ATP8B4: variants seen among roughly 807,000 people sequenced by gnomAD.
ATP8B4 encodes the protein ATPase phospholipid transporting 8B4 (putative).
ATP8B4 carries 133 observed loss-of-function variants against 145.6 expected under a neutral mutation model. The observed-to-expected ratio is 0.91, with a 90% CI of 0.79 to 1.05. ATP8B4 has a LOEUF of 1.05. Among genes scored for constraint, ATP8B4 ranks in the 50% least tolerant of loss-of-function variants. ATP8B4 has a pLI of 0.00. For synonymous variants in ATP8B4, 507 were observed against 492.9 expected, an observed-to-expected ratio of 1.03 and a Z score of -0.38; for missense variants, 1,458 against 1,425.2, an observed-to-expected ratio of 1.02 and a Z score of -0.37.
At chr15:49,934,203 C>T (rs558705580) in intron 14 of ATP8B4, 21 bp from the exon 15 acceptor site, 1 of 1,576,894 alleles carries the variant, frequency 6.3e-7, no homozygotes, top group Admixed American at 2.0e-5. Context: ...ACAACAACAA[C>T]AAAAATAACC....
At chr15:49,981,685 G>T (rs188500706) in intron 10 of ATP8B4, among the ~76,000 whole-genome samples, 64 of 152,122 alleles carry the variant, frequency 4.2e-4, no homozygotes, top group Middle Eastern at 3.4e-3. Flanking sequence ...AGAACACTAA[G>T]GTAAAAAATG....
intron 6 of ATP8B4, among the ~76,000 whole-genome samples, chr15:50,030,175 G>A (rs1301636437): frequency 6.6e-6 from 1 of 151,866 alleles, no homozygotes; most frequent in Non-Finnish European, 1.5e-5. Flanking sequence ...CTTTGTGGTT[G>A]AGGTTTGAGT....
intron 13 of ATP8B4, among the ~76,000 whole-genome samples, chr15:49,968,758 T>C (rs2044797547): frequency 6.6e-6 from 1 of 152,142 alleles, no homozygotes; most frequent in Admixed American, 6.5e-5. Context: ...TGAACTCAAC[T>C]CTGGACCAAG....
At chr15:49,913,089 C>T (rs2039394629) in intron 20 of ATP8B4, among the ~76,000 whole-genome samples, 1 of 151,022 alleles carries the variant, frequency 6.6e-6, no homozygotes, top group Admixed American at 6.6e-5. Flanking sequence ...TACGATTGCA[C>T]CACTGCAGTG....
At chr15:50,034,826 T>G (rs1201681453) in intron 6 of ATP8B4, among the ~76,000 whole-genome samples, 2 of 152,216 alleles carry the variant, frequency 1.3e-5, no homozygotes, top group Non-Finnish European at 2.9e-5. Flanking sequence ...GCCCTTCACC[T>G]GCCCAGTTGC....
At chr15:50,060,926 G>A (rs945226086) in intron 3 of ATP8B4, among the ~76,000 whole-genome samples, 1 of 152,144 alleles carries the variant, frequency 6.6e-6, no homozygotes, top group Non-Finnish European at 1.5e-5. Flanking sequence ...TGTGATATAG[G>A]AAAGGTTGCA....
intron 2 of ATP8B4, among the ~76,000 whole-genome samples, chr15:50,074,724 C>T (rs562118007): frequency 6.6e-6 from 1 of 152,208 alleles, no homozygotes; most frequent in South Asian, 2.1e-4. Flanking sequence ...CTGGAAGTGA[C>T]CAAAGAATAA....
intron 6 of ATP8B4, chr15:50,018,852 C>A: frequency 5.3e-6 from 5 of 940,394 alleles, no homozygotes; most frequent in South Asian, 4.2e-5. Flanking sequence ...GGTAAAATAT[C>A]TCTACTCTCT....
At chr15:49,875,917 T>G (rs1313084069) in intron 25 of ATP8B4, among the ~76,000 whole-genome samples, 1 of 152,204 alleles carries the variant, frequency 6.6e-6, no homozygotes, top group African/African-American at 2.4e-5. Context: ...AACCTGGCAG[T>G]TATTAAGTCT....
At chr15:50,019,477 G>A (rs181886153) in intron 6 of ATP8B4, among the ~76,000 whole-genome samples, 9 of 152,278 alleles carry the variant, frequency 5.9e-5, no homozygotes, top group Non-Finnish European at 8.8e-5. Flanking sequence ...AGATGAAATA[G>A]ATTCATTAAA....
At position 49,862,515 on chromosome 15, in the gene ATP8B4, G is replaced by A. The variant is rs527643491; in HGVS notation, c.3167-140C>T. 398 of 991,080 alleles carry A rather than the reference G, an allele frequency of 4.0e-4. 3 individuals are homozygous for A. The South Asian group carries it at 4.9e-3, about 12-fold the overall frequency. 61.4% of individuals were successfully genotyped at this position (991,080 alleles called of 1,614,324 possible). A position where few individuals can be genotyped will look rare whatever the true frequency, so the allele number is the denominator to read the frequency against. ...GTCTTCCAGGCTGGTGGAATGCAGT[G>A]GTGCGATCTCAGCTCACTGCAAGCT... On this transcript the variant is annotated intron_variant, in intron 26 of 27. Transcript: ENST00000284509.
chr15:49,988,236 C>G (rs193246708), intron 9 of ATP8B4, among the ~76,000 whole-genome samples: 1 of 152,252 alleles, frequency 6.6e-6, no homozygotes, highest in South Asian at 2.1e-4. Flanking sequence ...TCCAAATCAA[C>G]GAATCAATTC....
At chr15:50,165,215 G>A (rs886823370) in intron 1 of ATP8B4, among the ~76,000 whole-genome samples, 1 of 151,866 alleles carries the variant, frequency 6.6e-6, no homozygotes, top group Non-Finnish European at 1.5e-5. Context: ...ACAGCCCCCA[G>A]CTAATTTTTG....
intron 1 of ATP8B4, among the ~76,000 whole-genome samples, chr15:50,171,355 C>A (rs1300335677): frequency 6.6e-6 from 1 of 152,144 alleles, no homozygotes; most frequent in East Asian, 1.9e-4. Context: ...ATATCAAGCA[C>A]TCTCTCAGAC....
chr15:49,862,388 A>G lies in ATP8B4; in HGVS notation c.3167-13T>C, dbSNP rs547338465. ...TGTCGTGCATTACCTATCAATCATTAAAGAAAATATACACTGTGGTTACAA... is the reference window on the plus strand; with the variant it reads ...TGTCGTGCATTACCTATCAATCATTGAAGAAAATATACACTGTGGTTACAA... On this transcript the variant is annotated splice_polypyrimidine_tract_variant and intron_variant, in intron 26 of 27. Coordinates refer to ENST00000284509, the MANE Select transcript of ATP8B4 (RefSeq NM_024837.4). The G allele has an allele frequency of 5.0e-6, 8 of 1,612,132 alleles. No individual in the cohort carries two copies. The South Asian group carries it at 8.8e-5, about 18-fold the overall frequency.
chr15:49,877,496 CAG>C (rs144542237), intron 24 of ATP8B4, among the ~76,000 whole-genome samples: 1 of 152,284 alleles, frequency 6.6e-6, no homozygotes, highest in East Asian at 1.9e-4. Flanking sequence ...TCTCTCCAAA[CAG>C]AGTCCCATGG....
upstream of ATP8B4, among the ~76,000 whole-genome samples, chr15:50,122,551 G>A (rs371885480): frequency 3.3e-5 from 5 of 152,196 alleles, no homozygotes; most frequent in African/African-American, 1.2e-4. Flanking sequence ...TTGCTTGCTT[G>A]CTTTTAAGGC....
chr15:49,912,618 T>C (rs2039344962), intron 20 of ATP8B4, among the ~76,000 whole-genome samples: 1 of 152,132 alleles, frequency 6.6e-6, no homozygotes, highest in Non-Finnish European at 1.5e-5. Flanking sequence ...TAAATTATCC[T>C]TAAGTATACC....
At chr15:49,958,840 C>T (rs190300566) in intron 14 of ATP8B4, among the ~76,000 whole-genome samples, 37 of 151,924 alleles carry the variant, frequency 2.4e-4, no homozygotes, top group African/African-American at 8.9e-4. Context: ...TAAGAGCTAC[C>T]ACCTGAAATA....
Sources: allele counts gnomAD v4.1 joint callset (sites outside exome capture counted in the v4.1 genomes callset), GRCh38; gene constraint gnomAD v4.1.1; transcripts MANE v1.5; gene names NCBI Gene and HGNC (gene_info 2026-07-23, HGNC 2026-07-21).